Variants in B4GALNT1 observed in about 807,000 individuals in gnomAD.
B4GALNT1 encodes beta-1,4-N-acetyl-galactosaminyltransferase 1.
Under a neutral mutation model 55.2 loss-of-function variants are expected in B4GALNT1, and 43 were observed. The observed-to-expected ratio is 0.78, with a 90% confidence interval of 0.61 to 1.00. B4GALNT1 has a LOEUF of 1.00. B4GALNT1 is among the 50% of genes least tolerant of loss of function. B4GALNT1 has a pLI of 0.00. For synonymous variants in B4GALNT1, 305 were observed against 311.6 expected, an observed-to-expected ratio of 0.98 and a Z score of 0.22; for missense variants, 664 against 729.7, an observed-to-expected ratio of 0.91 and a Z score of 1.04.
At chr12:57,627,515 T>C in intron 10 of B4GALNT1, 103 bp downstream of exon 10, 1 of 1,428,696 alleles carries the variant, frequency 7.0e-7, no homozygotes, top group Non-Finnish European at 9.2e-7. Context: ...GGGTTCCCGC[T>C]GGCGGCTGGG....
intron 6 of B4GALNT1, 139 bp downstream of exon 6, chr12:57,630,013 T>C: frequency 1.3e-6 from 2 of 1,558,728 alleles, no homozygotes; most frequent in South Asian, 1.2e-5. Flanking sequence ...GCTGGTCCAG[T>C]TGAAGCACCC....
chr12:57,629,194 T>C, intron 6 of B4GALNT1, 48 bp from the exon 7 acceptor site: 1 of 1,467,020 alleles, frequency 6.8e-7, no homozygotes, highest in Non-Finnish European at 9.2e-7. Context: ...GGGATAACAT[T>C]CTGTTTTCAG....
Position 57,625,539 on chromosome 12 carries a change from G to A in B4GALNT1, c.*1205C>T, listed in dbSNP as rs749189181. On this transcript the variant is annotated 3_prime_UTR_variant, in exon 11 of 11. Coordinates refer to ENST00000341156, the MANE Select transcript of B4GALNT1 (RefSeq NM_001478.5). ...CACCTGCGGTAGGGAAAAGGACCCGGTGTGGACTTAGGGTCTCAGAGTCTG... is the reference window on the plus strand; with the variant it reads ...CACCTGCGGTAGGGAAAAGGACCCGATGTGGACTTAGGGTCTCAGAGTCTG... 7 of 1,612,404 alleles carry A rather than the reference G, an allele frequency of 4.3e-6. No homozygotes were observed. The highest frequency in any genetic ancestry group is 5.9e-6 in the Non-Finnish European group (7 of 1,178,874).
intron 9 of B4GALNT1, 109 bp downstream of exon 9, chr12:57,628,013 G>T: frequency 1.3e-6 from 2 of 1,514,068 alleles, no homozygotes; most frequent in Middle Eastern, 2.4e-4. Context: ...CCACTTCGTG[G>T]TTCTCTCTTT....
rs778215968 is a variant in B4GALNT1 at position 57,631,061 on chromosome 12, G to A, written c.409C>T (p.Leu137Phe). 1 of 1,612,610 alleles carries A rather than the reference G, an allele frequency of 6.2e-7. No homozygotes were observed. The highest frequency in any genetic ancestry group is 8.5e-7 in the Non-Finnish European group (1 of 1,179,414). Residue 137 changes from leucine to phenylalanine, a missense_variant, in exon 4 of 11, where the codon CTC becomes TTC. Transcript: ENST00000341156. ...AGCGGGGAGTTGGCAGGGGCTATGA[G>A]CAGCTGGTCAGCTGGGGACTGGCTC... is the stretch of plus-strand genomic sequence containing the variant. ...SRSQSPADQL[L>F]IAPANSPLQY...
At chr12:57,631,391 T>A (rs1295538362) in intron 2 of B4GALNT1, 27 bp from the exon 3 acceptor site, 3 of 1,612,946 alleles carry the variant, frequency 1.9e-6, no homozygotes, top group Non-Finnish European at 2.5e-6. Context: ...GTGAGGGTCA[T>A]CAGAGCCCAG....
intron 6 of B4GALNT1, chr12:57,629,613 T>C (rs1364737351): frequency 5.4e-6 from 3 of 554,448 alleles, no homozygotes; most frequent in East Asian, 6.3e-5. Context: ...AGTAATGTGA[T>C]AGTGAAGAGG....
chr12:57,625,483 AGCGGG>A lies in B4GALNT1; in HGVS notation c.*1256_*1260del, dbSNP rs1884744092. The A allele has an allele frequency of 1.9e-6, 3 of 1,613,988 alleles. No homozygotes were observed. Among genetic ancestry groups the A allele is most frequent in the African/African-American group, 1.3e-5 (1 of 74,908 alleles). ...TGTAATGGTGAGATGTGTGGAGAAGAGCGGGGCCCAGTGCCTGGGCAATGACTGGA... is the reference window on the plus strand; with the variant it reads ...TGTAATGGTGAGATGTGTGGAGAAGAGCCCAGTGCCTGGGCAATGACTGGA... On this transcript the variant is annotated 3_prime_UTR_variant, in exon 11 of 11. Transcript: ENST00000341156.
chr12:57,623,784 T>TG lies in B4GALNT1; in HGVS notation c.*2959dup. Reference sequence around the variant, plus strand: ...GTGGGCAGGAAGACCAGCTCTCATGTGGGGGTGGGAGGCTCTCTTCCTTTT... The same window carrying TG: ...GTGGGCAGGAAGACCAGCTCTCATGTGGGGGGTGGGAGGCTCTCTTCCTTTT... On this transcript the variant is annotated 3_prime_UTR_variant, in exon 11 of 11. Transcript: ENST00000341156. 1 of 1,510,040 alleles carries TG rather than the reference T, an allele frequency of 6.6e-7. No homozygotes were observed. The highest frequency in any genetic ancestry group is 9.1e-7 in the Non-Finnish European group (1 of 1,097,022). 93.5% of individuals were successfully genotyped at this position (1,510,040 alleles called of 1,614,324 possible). A position where few individuals can be genotyped will look rare whatever the true frequency, so the allele number is the denominator to read the frequency against.
chr12:57,628,408 G>T, intron 8 of B4GALNT1, 146 bp from the exon 9 acceptor site: 1 of 1,217,112 alleles, frequency 8.2e-7, no homozygotes. Context: ...CTAGGTAAAA[G>T]AAATGCAGAT....
rs546348968 is a variant in B4GALNT1, at chr12:57,624,182, C to G, written c.*2562G>C. 1.5e-3 allele frequency: 2,015 copies of G among 1,376,616 alleles called. 4 individuals carry two copies. The highest frequency in any genetic ancestry group is 1.9e-3 in the Non-Finnish European group (1,849 of 990,066). 85.3% of individuals were successfully genotyped at this position (1,376,616 alleles called of 1,614,324 possible). On this transcript the variant is annotated 3_prime_UTR_variant, in exon 11 of 11. Transcript: ENST00000341156. ...CTGCCCTGAACCAAACCTAATTGTC[C>G]TGGTCTTAAGTTCTGCAACCCACCC...
At position 57,626,468 on chromosome 12, in the gene B4GALNT1, C is replaced by A; in HGVS notation, c.*276G>T. 1 of 492,340 alleles carries A rather than the reference C, an allele frequency of 2.0e-6. No homozygotes were observed. 30.5% of individuals were successfully genotyped at this position (492,340 alleles called of 1,614,324 possible). On this transcript the variant is annotated 3_prime_UTR_variant, in exon 11 of 11. Transcript: ENST00000341156. Reference sequence around the variant, plus strand: ...GGCTCTTTGGCACTTGGAAAGTGATCCCCCCATTTCCTGCCCCATGAGAAT... The same window carrying A: ...GGCTCTTTGGCACTTGGAAAGTGATACCCCCATTTCCTGCCCCATGAGAAT...
At position 57,631,141 on chromosome 12, in the gene B4GALNT1, C is replaced by T. The variant is rs1445091354; in HGVS notation, c.384-55G>A. ...AGAGTCGGGGGGAGAGGGTCTCTCC[C>T]TCCCGGCACAATCACTGCTCTCCCC... On this transcript the variant is annotated intron_variant, in intron 3 of 10. Transcript: ENST00000341156. 10 of 1,611,078 alleles carry T rather than the reference C, an allele frequency of 6.2e-6. 1 individual carries two copies. The African/African-American group carries it at 1.2e-4, about 19-fold the overall frequency.
At position 57,623,774 on chromosome 12, in the gene B4GALNT1, A is replaced by G; in HGVS notation, c.*2970T>C. 1 of 1,434,030 alleles carries G rather than the reference A, an allele frequency of 7.0e-7. No homozygotes were observed. Among genetic ancestry groups the G allele is most frequent in the Non-Finnish European group, 9.7e-7 (1 of 1,035,066 alleles). The allele number at this position is 1,434,030 out of a possible 1,614,324, so 88.8% of individuals were successfully genotyped here. A position where few individuals can be genotyped will look rare whatever the true frequency, so the allele number is the denominator to read the frequency against. ...ATTAGGCAGAGTGGGCAGGAAGACCAGCTCTCATGTGGGGGTGGGAGGCTC... is the reference window on the plus strand; with the variant it reads ...ATTAGGCAGAGTGGGCAGGAAGACCGGCTCTCATGTGGGGGTGGGAGGCTC... On this transcript the variant is annotated 3_prime_UTR_variant, in exon 11 of 11. Transcript: ENST00000341156.
Position 57,624,508 on chromosome 12 carries a change from G to A in B4GALNT1, c.*2236C>T, listed in dbSNP as rs1456697171. 1 of 626,094 alleles carries A rather than the reference G, an allele frequency of 1.6e-6. No homozygotes were observed. The highest frequency in any genetic ancestry group is 1.8e-5 in the African/African-American group (1 of 55,600). 38.8% of individuals were successfully genotyped at this position (626,094 alleles called of 1,614,324 possible). A position where few individuals can be genotyped will look rare whatever the true frequency, so the allele number is the denominator to read the frequency against. On this transcript the variant is annotated 3_prime_UTR_variant, in exon 11 of 11. Coordinates refer to ENST00000341156, the MANE Select transcript of B4GALNT1 (RefSeq NM_001478.5). ...CTATCCCTATCCTGCAGGCTGTGTG[G>A]ATGGTCACCTGGGTGGCAGTAGTGA...
chr12:57,625,342 A>G lies in B4GALNT1; in HGVS notation c.*1402T>C, dbSNP rs1249837046. ...AGGTGAGGGAGAGGGTAGGTTGAGG[A>G]GAAACCCCTTAGCATCTCACTCATA... On this transcript the variant is annotated 3_prime_UTR_variant, in exon 11 of 11. Transcript: ENST00000341156. 2.5e-6 allele frequency: 4 copies of G among 1,614,014 alleles called. No individual in the cohort carries two copies. The highest frequency in any genetic ancestry group is 2.5e-6 in the Non-Finnish European group (3 of 1,179,980).
At position 57,628,834 on chromosome 12, in the gene B4GALNT1, G is replaced by A. The variant is rs1210515621; in HGVS notation, c.881C>T (p.Ala294Val). ...GAAGCGGCGGATACTGGTGATGAGAGCCCGTAGCCGATCATAACGGAGGAA... is the reference window on the plus strand; with the variant it reads ...GAAGCGGCGGATACTGGTGATGAGAACCCGTAGCCGATCATAACGGAGGAA... ...KTFLRYDRLR[A>V]LITSIRRFYP... Residue 294 changes from alanine (A) to valine (V), a missense_variant, in exon 8 of 11, where the codon GCT (alanine) becomes GTT (valine). Coordinates refer to ENST00000341156, the MANE Select transcript of B4GALNT1 (RefSeq NM_001478.5). The A allele has an allele frequency of 6.2e-7, 1 of 1,614,130 alleles. No individual in the cohort carries two copies. Among genetic ancestry groups the A allele is most frequent in the African/African-American group, 1.3e-5 (1 of 74,942 alleles).
In B4GALNT1 at chr12:57,625,590, C is replaced by T; in HGVS notation, c.*1154G>A. ...ACACCCTCCCCACATAGCCTTGGTG[C>T]AGGGGACACTGACCCGGGTAGGACT... is the stretch of plus-strand genomic sequence containing the variant. On this transcript the variant is annotated 3_prime_UTR_variant, in exon 11 of 11. Coordinates refer to ENST00000341156, the MANE Select transcript of B4GALNT1 (RefSeq NM_001478.5). 2 of 1,595,788 alleles carry T rather than the reference C, an allele frequency of 1.3e-6. No homozygotes were observed. Among genetic ancestry groups the T allele is most frequent in the Non-Finnish European group, 1.7e-6 (2 of 1,169,772 alleles).
Position 57,626,626 on chromosome 12 carries a change from A to C in B4GALNT1, c.*118T>G. The C allele has an allele frequency of 4.3e-6, 5 of 1,172,088 alleles. No homozygotes were observed. In the South Asian group the frequency reaches 6.8e-5, roughly 16 times the overall value. The allele number at this position is 1,172,088 out of a possible 1,614,324, so 72.6% of individuals were successfully genotyped here. Reference sequence around the variant, plus strand: ...CAGGTTCTGAAAAGGAAGAGTGAGGAACTAGAGGCTCAGGGACAGCCAGTA... The same window carrying C: ...CAGGTTCTGAAAAGGAAGAGTGAGGCACTAGAGGCTCAGGGACAGCCAGTA... On this transcript the variant is annotated 3_prime_UTR_variant, in exon 11 of 11. Transcript: ENST00000341156.
Sources: gnomAD v4.1 joint callset for allele counts on GRCh38, gnomAD v4.1.1 for gene constraint, MANE v1.5 for transcripts, NCBI Gene and HGNC (gene_info 2026-07-23, HGNC 2026-07-21) for gene names.